Variants in EHBP1 observed in about 807,000 individuals in gnomAD.
EHBP1 encodes the protein EH domain-binding protein 1.
A neutral mutation model predicts 144.0 loss-of-function variants in EHBP1; 55 were observed. The ratio of observed to expected loss-of-function variants is 0.38; its 90% CI spans 0.31 to 0.48. The LOEUF (loss-of-function observed/expected upper bound fraction) is 0.48. EHBP1 is among the 20% of genes least tolerant of loss of function. The pLI is 0.98. For missense variants in EHBP1, 1,200 were observed against 1,364.2 expected, an observed-to-expected ratio of 0.88 and a Z score of 1.90; for synonymous variants, 469 against 472.7, an observed-to-expected ratio of 0.99 and a Z score of 0.10.
intron 19 of EHBP1, among the ~76,000 whole-genome samples, chr2:63,001,626 G>A (rs972443970): frequency 5.3e-5 from 8 of 152,124 alleles, no homozygotes; most frequent in African/African-American, 1.9e-4. Flanking sequence ...TCTAACAAAG[G>A]CCCTATGAGA....
chr2:62,679,623 C>T (rs2033438678), intron 1 of EHBP1, among the ~76,000 whole-genome samples: 1 of 152,010 alleles, frequency 6.6e-6, no homozygotes, highest in South Asian at 2.1e-4. Flanking sequence ...TGCCTCTTTA[C>T]TATTGGGGAA....
At chr2:63,009,720 T>C (rs1417493434) in intron 19 of EHBP1, among the ~76,000 whole-genome samples, 2 of 151,542 alleles carry the variant, frequency 1.3e-5, no homozygotes, top group Non-Finnish European at 1.5e-5. Context: ...GTATACATAG[T>C]ACAATTTGTA....
At chr2:62,764,924 A>C (rs1436119376) in intron 4 of EHBP1, among the ~76,000 whole-genome samples, 1 of 152,138 alleles carries the variant, frequency 6.6e-6, no homozygotes, top group African/African-American at 2.4e-5. Context: ...TGATTTAACC[A>C]AAAATTAATT....
rs151058412 is a variant in EHBP1 at position 62,898,639 on chromosome 2, C to G, written c.1185+24107C>G. ...CTATATCATACCTATGTACTTTGGTCTTCTTTATTTCTATATCCTTAGAGC... is the reference window on the plus strand; with the variant it reads ...CTATATCATACCTATGTACTTTGGTGTTCTTTATTTCTATATCCTTAGAGC... On this transcript the variant is annotated intron_variant, in intron 10 of 22. Transcript: ENST00000431489. 1.7e-4 allele frequency among the ~76,000 whole-genome samples: 26 copies of G among 152,168 alleles called. 1 individual carries two copies. In the East Asian group the frequency reaches 4.8e-3, roughly 28 times the overall value.
intron 2 of EHBP1, among the ~76,000 whole-genome samples, chr2:62,733,672 A>G (rs1424053796): frequency 1.3e-5 from 2 of 152,174 alleles, no homozygotes; most frequent in African/African-American, 4.8e-5. Context: ...TTGGGAAAGT[A>G]TTTCAAAGTG....
chr2:62,907,782 A>G (rs1043229961), intron 10 of EHBP1, among the ~76,000 whole-genome samples: 2 of 152,220 alleles, frequency 1.3e-5, no homozygotes, highest in Non-Finnish European at 2.9e-5. Flanking sequence ...TGTATTTGAT[A>G]TCTGTCTGTC....
chr2:63,020,705 G>A (rs2060704850), intron 19 of EHBP1, among the ~76,000 whole-genome samples: 1 of 150,996 alleles, frequency 6.6e-6, no homozygotes, highest in Admixed American at 6.6e-5. Context: ...TTGAGATGGA[G>A]TCTTGCTCAG....
intron 14 of EHBP1, among the ~76,000 whole-genome samples, chr2:62,970,585 C>T (rs2058453836): frequency 6.6e-6 from 1 of 152,262 alleles, no homozygotes; most frequent in South Asian, 2.1e-4. Flanking sequence ...TTCTCATGTT[C>T]TAATTCACCT....
chr2:63,002,088 A>G (rs1239144484), intron 19 of EHBP1, among the ~76,000 whole-genome samples: 1 of 152,172 alleles, frequency 6.6e-6, no homozygotes, highest in African/African-American at 2.4e-5. Flanking sequence ...CCCATTTGGG[A>G]TAATAAAAAG....
chr2:62,972,255 T>G (rs1404889961), intron 14 of EHBP1, among the ~76,000 whole-genome samples: 1 of 152,182 alleles, frequency 6.6e-6, no homozygotes, highest in Non-Finnish European at 1.5e-5. Flanking sequence ...GTCAGAAATA[T>G]TATGAACGTA....
intron 5 of EHBP1, among the ~76,000 whole-genome samples, chr2:62,806,564 A>G (rs1298183471): frequency 6.6e-6 from 1 of 151,622 alleles, no homozygotes; most frequent in African/African-American, 2.4e-5. Flanking sequence ...GTATCTCTGT[A>G]TATTGCCTAG....
intron 10 of EHBP1, among the ~76,000 whole-genome samples, chr2:62,905,187 T>C (rs1378940799): frequency 6.6e-6 from 1 of 152,140 alleles, no homozygotes; most frequent in Non-Finnish European, 1.5e-5. Context: ...TACATTTATA[T>C]TGGGGGTCAT....
At chr2:63,013,792 A>G (rs2060369846) in intron 19 of EHBP1, among the ~76,000 whole-genome samples, 1 of 152,236 alleles carries the variant, frequency 6.6e-6, no homozygotes. Context: ...TTCTCAACTT[A>G]AAAGAGTACA....
intron 2 of EHBP1, among the ~76,000 whole-genome samples, chr2:62,710,109 C>T (rs889694494): frequency 1.3e-5 from 2 of 152,076 alleles, no homozygotes; most frequent in African/African-American, 4.8e-5. Context: ...TGTCATTTCT[C>T]AGTTTACTTT....
intron 2 of EHBP1, among the ~76,000 whole-genome samples, chr2:62,739,422 G>C (rs1380735680): frequency 6.6e-6 from 1 of 151,632 alleles, no homozygotes; most frequent in Non-Finnish European, 1.5e-5. Flanking sequence ...TGAATTCCAG[G>C]GAACCGGGTA....
intron 5 of EHBP1, among the ~76,000 whole-genome samples, chr2:62,825,408 G>T (rs190480131): frequency 2.9e-4 from 44 of 152,076 alleles, no homozygotes; most frequent in Admixed American, 2.0e-3. Flanking sequence ...TGATGAATTG[G>T]CAATAGCAAT....
intron 2 of EHBP1, among the ~76,000 whole-genome samples, chr2:62,742,380 A>G (rs2038795730): frequency 2.0e-5 from 3 of 152,134 alleles, no homozygotes; most frequent in East Asian, 1.9e-4. Flanking sequence ...AGACAACTGT[A>G]CTATGTCATC....
intron 7 of EHBP1, among the ~76,000 whole-genome samples, chr2:62,847,317 T>A (rs1012585568): frequency 6.6e-6 from 1 of 152,204 alleles, no homozygotes; most frequent in Non-Finnish European, 1.5e-5. Context: ...GTGTTCATTA[T>A]AATTAATAGC....
chr2:62,896,479 A>G (rs2710638), intron 10 of EHBP1, among the ~76,000 whole-genome samples: 122,181 of 151,980 alleles, frequency 0.8, 49,330 homozygotes, highest in Non-Finnish European at 0.85. Flanking sequence ...TTGTAACTTC[A>G]TATTCTACCG....
Sources: allele counts gnomAD v4.1 joint callset (sites outside exome capture counted in the v4.1 genomes callset), GRCh38; gene constraint gnomAD v4.1.1; transcripts MANE v1.5; gene names NCBI Gene and HGNC (gene_info 2026-07-23, HGNC 2026-07-21).